CA10: variants seen among roughly 807,000 people sequenced by gnomAD.
The protein encoded by CA10 is carbonic anhydrase 10 (inactive).
Under a neutral mutation model 44.2 loss-of-function variants are expected in CA10, and 14 were observed. The ratio of observed to expected loss-of-function variants is 0.32; its 90% CI spans 0.21 to 0.50. The LOEUF (loss-of-function observed/expected upper bound fraction) is 0.50, where lower values mean the gene tolerates loss of function less well. Among genes scored for constraint, CA10 ranks in the 20% least tolerant of loss-of-function variants. CA10 has a pLI of 0.99. For synonymous variants in CA10, 159 were observed against 141.6 expected (o/e 1.12, Z -0.87); for missense variants, 350 against 409.7 (o/e 0.85, Z 1.26).
At chr17:52,106,676 G>C (rs1988668860) in intron 1 of CA10, among the ~76,000 whole-genome samples, 1 of 152,148 alleles carries the variant, frequency 6.6e-6, no homozygotes, top group South Asian at 2.1e-4. Flanking sequence ...CTTGGTAAAT[G>C]ACTACAGTAG....
At chr17:51,675,339 C>T (rs1914585253) in intron 4 of CA10, among the ~76,000 whole-genome samples, 1 of 152,090 alleles carries the variant, frequency 6.6e-6, no homozygotes, top group African/African-American at 2.4e-5. Context: ...GCGGGTGGAT[C>T]ACCTGAGGTC....
chr17:51,943,038 G>A (rs1198068628), intron 2 of CA10, among the ~76,000 whole-genome samples: 1 of 152,074 alleles, frequency 6.6e-6, no homozygotes, highest in African/African-American at 2.4e-5. Context: ...AATATAATTT[G>A]TAGAATGAGT....
intron 6 of CA10, among the ~76,000 whole-genome samples, chr17:51,638,996 G>A (rs556905942): frequency 1.3e-5 from 2 of 152,274 alleles, no homozygotes; most frequent in East Asian, 1.9e-4. Flanking sequence ...TGTGAGAAAT[G>A]TGGCTGGTGG....
chr17:51,696,154 T>G (rs1301036433), intron 4 of CA10, among the ~76,000 whole-genome samples: 1 of 152,066 alleles, frequency 6.6e-6, no homozygotes, highest in Non-Finnish European at 1.5e-5. Flanking sequence ...TTTGCCAGGG[T>G]TTGGTGTCAG....
intron 3 of CA10, among the ~76,000 whole-genome samples, chr17:51,924,950 CAA>C (rs1042074627): frequency 6.6e-6 from 1 of 152,108 alleles, no homozygotes; most frequent in African/African-American, 2.4e-5. Context: ...AAATTTCAAA[CAA>C]AAAACCTGAA....
chr17:51,991,626 A>G (rs1314035057), intron 2 of CA10, among the ~76,000 whole-genome samples: 1 of 152,104 alleles, frequency 6.6e-6, no homozygotes, highest in Non-Finnish European at 1.5e-5. Context: ...CCTGCCCAAC[A>G]TGAAGAAACC....
At chr17:51,852,390 A>T (rs974397762) in intron 3 of CA10, among the ~76,000 whole-genome samples, 1 of 152,158 alleles carries the variant, frequency 6.6e-6, no homozygotes, top group Non-Finnish European at 1.5e-5. Flanking sequence ...ATTTTCTGAA[A>T]TATTTAGGAA....
At chr17:51,787,428 C>T (rs1906333545) in intron 3 of CA10, among the ~76,000 whole-genome samples, 1 of 151,902 alleles carries the variant, frequency 6.6e-6, no homozygotes, top group African/African-American at 2.4e-5. Flanking sequence ...CATATAGTTG[C>T]TCATAGTAGC....
intron 2 of CA10, among the ~76,000 whole-genome samples, chr17:51,994,285 G>T (rs1224379286): frequency 2.6e-5 from 4 of 151,964 alleles, no homozygotes; most frequent in Non-Finnish European, 5.9e-5. Context: ...TGGATTATTT[G>T]TTGAATTGTT....
At chr17:51,719,421 G>A (rs1355766162) in intron 4 of CA10, among the ~76,000 whole-genome samples, 3 of 152,188 alleles carry the variant, frequency 2.0e-5, no homozygotes, top group Admixed American at 6.5e-5. Flanking sequence ...GATCCATGGT[G>A]TATTTCCCCC....
chr17:52,072,188 T>C, intron 2 of CA10, 131 bp downstream of exon 2: 1 of 612,188 alleles, frequency 1.6e-6, no homozygotes, highest in East Asian at 2.9e-5. Flanking sequence ...ACAAACTTTG[T>C]CTTGATGGAG....
chr17:52,141,067 G>A (rs1335609170), intron 1 of CA10, among the ~76,000 whole-genome samples: 1 of 152,126 alleles, frequency 6.6e-6, no homozygotes, highest in Non-Finnish European at 1.5e-5. Flanking sequence ...GAAGGGTTAT[G>A]TTTTCAAAGA....
At chr17:51,932,744 C>T (rs939442834) in intron 2 of CA10, among the ~76,000 whole-genome samples, 6 of 152,032 alleles carry the variant, frequency 3.9e-5, no homozygotes, top group African/African-American at 4.8e-5. Context: ...TGGGCTTCCT[C>T]GGCCCTCTCA....
intron 2 of CA10, among the ~76,000 whole-genome samples, chr17:51,943,408 TG>T (rs1350239527): frequency 2.0e-5 from 3 of 152,218 alleles, no homozygotes; most frequent in Non-Finnish European, 4.4e-5. Context: ...AAAAGGTGAC[TG>T]ACCAAAAGTA....
At chr17:51,967,055 C>T (rs1352954160) in intron 2 of CA10, among the ~76,000 whole-genome samples, 1 of 151,230 alleles carries the variant, frequency 6.6e-6, no homozygotes, top group Non-Finnish European at 1.5e-5. Context: ...ACATGAACAG[C>T]CACTTCTCAA....
intron 4 of CA10, among the ~76,000 whole-genome samples, chr17:51,670,003 T>C (rs1207575111): frequency 6.6e-6 from 1 of 152,198 alleles, no homozygotes; most frequent in African/African-American, 2.4e-5. Flanking sequence ...TCTCATGAGT[T>C]CTGATGGTTT....
chr17:52,141,004 C>T (rs1989466843), intron 1 of CA10, among the ~76,000 whole-genome samples: 1 of 152,116 alleles, frequency 6.6e-6, no homozygotes, highest in South Asian at 2.1e-4. Flanking sequence ...ATTGCTTGTT[C>T]TCCAGGTGAT....
intron 3 of CA10, among the ~76,000 whole-genome samples, chr17:51,898,234 T>C (rs1981156858): frequency 6.6e-6 from 1 of 151,968 alleles, no homozygotes; most frequent in South Asian, 2.1e-4. Context: ...TTTTAAAATA[T>C]GTTTTCACAG....
At chr17:51,833,009 G>A (rs552835612) in intron 3 of CA10, among the ~76,000 whole-genome samples, 1 of 152,260 alleles carries the variant, frequency 6.6e-6, no homozygotes, top group South Asian at 2.1e-4. Flanking sequence ...AGAGCTACAG[G>A]CAGGTCAGCA....
Sources: gnomAD v4.1 joint callset for allele counts (sites outside exome capture counted in the v4.1 genomes callset) on GRCh38, gnomAD v4.1.1 for gene constraint, MANE v1.5 for transcripts, NCBI Gene and HGNC (gene_info 2026-07-23, HGNC 2026-07-21) for gene names.